The following TMCO1 variants were observed in gnomAD, a reference collection of about 807,000 sequenced individuals.
TMCO1 encodes calcium load-activated calcium channel.
Under a neutral mutation model 29.3 loss-of-function variants are expected in TMCO1, and 29 were observed. The observed-to-expected ratio is 0.99, with a 90% CI of 0.74 to 1.35. The LOEUF (loss-of-function observed/expected upper bound fraction) is 1.35, where lower values mean the gene tolerates loss of function less well. Among genes scored for constraint, TMCO1 ranks in the 40% most tolerant of loss-of-function variants. The pLI is 0.00. For synonymous variants in TMCO1, 80 were observed against 77.1 expected (o/e 1.04, Z -0.20); for missense variants, 173 against 225.5 (o/e 0.77, Z 1.49).
rs1652508651 is a variant in TMCO1, at chr1:165,764,660, A to C, written c.148+3532T>G. On this transcript the variant is annotated intron_variant, in intron 2 of 6. Transcript: ENST00000367881. Reference sequence around the variant, plus strand: ...ATGAATGAATAGAGAATAGGGAGCAAGAGAGAATATGATACAAGATGTAGC... The same window carrying C: ...ATGAATGAATAGAGAATAGGGAGCACGAGAGAATATGATACAAGATGTAGC... 2.0e-5 allele frequency among the ~76,000 whole-genome samples: 3 copies of C among 152,332 alleles called. No individual in the cohort carries two copies. The South Asian group carries it at 6.2e-4, about 32-fold the overall frequency.
chr1:165,731,774 A>G (rs148322733), intron 6 of TMCO1, among the ~76,000 whole-genome samples: 53 of 152,392 alleles, frequency 3.5e-4, no homozygotes, highest in South Asian at 1.0e-3. Flanking sequence ...GAGACACTTC[A>G]GTAGCCACAG....
chr1:165,746,281 C>T (rs1651792091), intron 5 of TMCO1, among the ~76,000 whole-genome samples: 2 of 148,060 alleles, frequency 1.4e-5, no homozygotes, highest in Admixed American at 6.8e-5. Flanking sequence ...TGCACTCCAG[C>T]CTGGGCGACA....
chr1:165,739,886 G>A (rs986099471), intron 6 of TMCO1, among the ~76,000 whole-genome samples: 2 of 151,922 alleles, frequency 1.3e-5, no homozygotes, highest in African/African-American at 4.8e-5. Context: ...CCAGGTGGGT[G>A]GATCACCTGA....
chr1:165,762,300 T>C (rs1026378123), intron 2 of TMCO1, among the ~76,000 whole-genome samples: 1 of 151,808 alleles, frequency 6.6e-6, no homozygotes, highest in African/African-American at 2.4e-5. Context: ...AAAGACAAAA[T>C]GGACAGAAAA....
At chr1:165,728,311 C>T (rs1182148279) in intron 6 of TMCO1, among the ~76,000 whole-genome samples, 190 bp from the exon 7 acceptor site, 4 of 151,094 alleles carry the variant, frequency 2.6e-5, no homozygotes, top group Non-Finnish European at 4.4e-5. Flanking sequence ...GGCTGGAGTG[C>T]AGTGGAGCAA....
intron 5 of TMCO1, among the ~76,000 whole-genome samples, chr1:165,750,550 A>AG (rs1449306172): frequency 6.7e-6 from 1 of 150,114 alleles, no homozygotes; most frequent in Non-Finnish European, 1.5e-5. Context: ...TCAAAAAAAA[A>AG]AAGAAAAAAA....
intron 3 of TMCO1, among the ~76,000 whole-genome samples, chr1:165,756,394 G>T (rs1652193637): frequency 6.6e-6 from 1 of 152,148 alleles, no homozygotes; most frequent in South Asian, 2.1e-4. Context: ...CTTTACCACG[G>T]TTCCTGCCTT....
rs559909961 is a variant in TMCO1 at position 165,727,509 on chromosome 1, C to T, written c.*514G>A. Reference sequence around the variant, plus strand: ...ATGCTAAAACTTATATCTAGAAATACGGCAAAACAAAATGAAACAGATCTC... The same window carrying T: ...ATGCTAAAACTTATATCTAGAAATATGGCAAAACAAAATGAAACAGATCTC... On this transcript the variant is annotated 3_prime_UTR_variant, in exon 7 of 7. Coordinates refer to ENST00000367881, the MANE Select transcript of TMCO1 (RefSeq NM_019026.6). 4.6e-5 allele frequency: 21 copies of T among 453,342 alleles called. No homozygotes were observed. In the East Asian group the frequency reaches 8.4e-4, roughly 18 times the overall value. 28.1% of individuals were successfully genotyped at this position (453,342 alleles called of 1,614,324 possible). A position where few individuals can be genotyped will look rare whatever the true frequency, so the allele number is the denominator to read the frequency against.
At chr1:165,752,229 C>A in intron 4 of TMCO1, 60 bp from the exon 5 acceptor site, 2 of 1,269,584 alleles carry the variant, frequency 1.6e-6, no homozygotes, top group Non-Finnish European at 2.2e-6. Context: ...TAAAGCATAT[C>A]TCAAAAGTTT....
chr1:165,765,305 C>T (rs772419981), intron 2 of TMCO1, among the ~76,000 whole-genome samples: 2 of 152,032 alleles, frequency 1.3e-5, no homozygotes, highest in Admixed American at 1.3e-4. Context: ...TTTTTTGAGA[C>T]AAGAGTCTTG....
upstream of TMCO1, chr1:165,768,880 G>T (rs949839058): frequency 2.6e-6 from 4 of 1,555,952 alleles, no homozygotes; most frequent in East Asian, 2.4e-5. Context: ...ACAGCCCGAA[G>T]ATCGCACTTC....
At chr1:165,760,083 T>C (rs956686036) in intron 2 of TMCO1, among the ~76,000 whole-genome samples, 1 of 152,048 alleles carries the variant, frequency 6.6e-6, no homozygotes, top group African/African-American at 2.4e-5. Flanking sequence ...ATTACAGTAA[T>C]GTGACAAGAT....
intron 6 of TMCO1, among the ~76,000 whole-genome samples, chr1:165,735,511 A>ATTTTT (rs34062484): frequency 0.012 from 1,371 of 110,156 alleles, 25 homozygotes; most frequent in African/African-American, 0.046. Flanking sequence ...TCTCTGCTTA[A>ATTTTT]TTTTTTTTTT....
rs554060495 is a variant in TMCO1, at chr1:165,749,644, T to C, written c.323+2458A>G. On this transcript the variant is annotated intron_variant, in intron 5 of 6. Coordinates refer to ENST00000367881, the MANE Select transcript of TMCO1 (RefSeq NM_019026.6). ...CACCACTGCACTCCGGCCTGGGTAA[T>C]GGAGTGAAAACCTGTCTTTAAATAA... is the stretch of plus-strand genomic sequence containing the variant. 4.6e-5 allele frequency among the ~76,000 whole-genome samples: 7 copies of C among 152,158 alleles called. No individual in the cohort carries two copies. The East Asian group carries it at 1.4e-3, about 29-fold the overall frequency.
intron 2 of TMCO1, 102 bp from the exon 3 acceptor site, chr1:165,759,686 GT>G: frequency 1.1e-6 from 1 of 938,838 alleles, no homozygotes. Flanking sequence ...TTGCAAGAAA[GT>G]TACACACTGA....
At position 165,767,263 on chromosome 1, in the gene TMCO1, A is replaced by T. The variant is rs186394475; in HGVS notation, c.148+929T>A. ...AAAGTTGTAGGAATTCTAAGAAACA[A>T]AAGTTATATTTAATCCTTATAAGGA... On this transcript the variant is annotated intron_variant, in intron 2 of 6. Transcript: ENST00000367881. 2.0e-5 allele frequency among the ~76,000 whole-genome samples: 3 copies of T among 152,356 alleles called. 1 individual carries two copies. The East Asian group carries it at 5.8e-4, about 29-fold the overall frequency.
At chr1:165,765,574 G>A (rs920549794) in intron 2 of TMCO1, among the ~76,000 whole-genome samples, 6 of 152,210 alleles carry the variant, frequency 3.9e-5, no homozygotes, top group African/African-American at 1.2e-4. Context: ...GAGCCACCGC[G>A]CCCTGCCTTG....
intron 2 of TMCO1, among the ~76,000 whole-genome samples, chr1:165,764,047 G>A (rs1652489589): frequency 6.6e-6 from 1 of 152,078 alleles, no homozygotes; most frequent in Admixed American, 6.6e-5. Context: ...AATCTATAAG[G>A]CAAATCCATA....
intron 2 of TMCO1, among the ~76,000 whole-genome samples, chr1:165,763,483 G>A (rs1215392148): frequency 6.6e-6 from 1 of 152,138 alleles, no homozygotes; most frequent in Admixed American, 6.6e-5. Context: ...ATCCAGAGTA[G>A]AGGACCTAAG....
Sources: gnomAD v4.1 joint callset for allele counts (sites outside exome capture counted in the v4.1 genomes callset) on GRCh38, gnomAD v4.1.1 for gene constraint, MANE v1.5 for transcripts, NCBI Gene and HGNC (gene_info 2026-07-23, HGNC 2026-07-21) for gene names.